ANKFY1: variants seen among roughly 807,000 people sequenced by gnomAD.
The protein encoded by ANKFY1 is ankyrin repeat and FYVE domain-containing protein 1.
Under a neutral mutation model 128.3 loss-of-function variants are expected in ANKFY1, and 47 were observed. That is an observed-to-expected ratio of 0.37 (90% CI 0.29 to 0.47). The LOEUF is 0.47. ANKFY1 is among the 20% of genes least tolerant of loss of function. ANKFY1 has a pLI of 1.00. For synonymous variants in ANKFY1, 553 were observed against 601.6 expected (o/e 0.92, Z 1.18); for missense variants, 1,222 against 1,510.6 (o/e 0.81, Z 3.17).
At chr17:4,175,226 G>A (rs539638900) in intron 19 of ANKFY1, among the ~76,000 whole-genome samples, 3 of 151,558 alleles carry the variant, frequency 2.0e-5, no homozygotes, top group South Asian at 2.1e-4. Context: ...ACAGCTACTC[G>A]GGAGGATGAG....
In ANKFY1 at chr17:4,167,710, C is replaced by A; in HGVS notation, c.*69G>T. On this transcript the variant is annotated 3_prime_UTR_variant, in exon 25 of 25. Transcript: ENST00000341657. This position sits in a 1 kb window ranked among gnomAD's most constrained non-coding sequence, Gnocchi z 4.1. Reference sequence around the variant, plus strand: ...CGCCAGCTCCTGCTCTGGGTGGGGTCAGGCTGGTGAGCAGAGCAGCTGCTG... The same window carrying A: ...CGCCAGCTCCTGCTCTGGGTGGGGTAAGGCTGGTGAGCAGAGCAGCTGCTG... 1 of 1,495,072 alleles carries A rather than the reference C, an allele frequency of 6.7e-7. No homozygotes were observed. The highest frequency in any genetic ancestry group is 1.3e-5 in the South Asian group (1 of 74,562). 92.6% of individuals were successfully genotyped at this position (1,495,072 alleles called of 1,614,324 possible). A position where few individuals can be genotyped will look rare whatever the true frequency, so the allele number is the denominator to read the frequency against.
intron 1 of ANKFY1, among the ~76,000 whole-genome samples, chr17:4,244,594 A>G (rs1393837759): frequency 1.3e-5 from 2 of 151,976 alleles, no homozygotes; most frequent in Non-Finnish European, 2.9e-5. Context: ...CACTGCCCTC[A>G]AGCCCATCTC....
At chr17:4,196,811 TTCAAA>T (rs2143010709) in intron 8 of ANKFY1, among the ~76,000 whole-genome samples, 1 of 152,326 alleles carries the variant, frequency 6.6e-6, no homozygotes, top group South Asian at 2.1e-4. Context: ...CTCTGGTTCC[TTCAAA>T]CATGAGATAC....
At chr17:4,168,939 A>G in intron 24 of ANKFY1, 1 of 474,688 alleles carries the variant, frequency 2.1e-6, no homozygotes. Context: ...AGGATGGCAC[A>G]GGCCTGGCAG....
chr17:4,174,948 C>G (rs1223605586), intron 19 of ANKFY1, among the ~76,000 whole-genome samples: 1 of 151,538 alleles, frequency 6.6e-6, no homozygotes, highest in Non-Finnish European at 1.5e-5. Flanking sequence ...AGACTGGTGT[C>G]AAACTCCAGG....
intron 3 of ANKFY1, chr17:4,223,121 C>A: frequency 1.3e-6 from 1 of 753,180 alleles, no homozygotes; most frequent in South Asian, 1.5e-5. Flanking sequence ...AAGCATTGGT[C>A]GAAACAAAGA....
At position 4,197,426 on chromosome 17, in the gene ANKFY1, T is replaced by C; in HGVS notation, c.1050A>G (p.Ala350=). 1 of 1,614,222 alleles carries C rather than the reference T, an allele frequency of 6.2e-7. No homozygotes were observed. Among genetic ancestry groups the C allele is most frequent in the Non-Finnish European group, 8.5e-7 (1 of 1,180,038 alleles). Residue 350 remains alanine, a synonymous_variant, in exon 8 of 25, where the codon GCA becomes GCG. Coordinates refer to ENST00000341657, the MANE Select transcript of ANKFY1 (RefSeq NM_001330063.2). ...TGGCACCAGCCTGCAGAAGGGCCTC[T>C]GCAATCTGCGCCATCTCAGACATCA... ...ADVMSEMAQI[A]EALLQAGANP... is the part of the protein sequence containing the mutation.
intron 3 of ANKFY1, among the ~76,000 whole-genome samples, chr17:4,227,874 TAGTC>T (rs1184027448): frequency 1.3e-5 from 2 of 152,200 alleles, no homozygotes; most frequent in Non-Finnish European, 2.9e-5. Flanking sequence ...TATCAAGCGT[TAGTC>T]AGGATGTGAA....
intron 19 of ANKFY1, 91 bp from the exon 20 acceptor site, chr17:4,174,147 A>C: frequency 1.4e-6 from 2 of 1,462,508 alleles, no homozygotes; most frequent in East Asian, 2.3e-5. Context: ...TCTGACACCC[A>C]CAGAGGCTGA....
rs752299983 is a variant in ANKFY1 at position 4,177,175 on chromosome 17, G to A, written c.2726C>T (p.Pro909Leu). 1.9e-6 allele frequency: 3 copies of A among 1,607,814 alleles called. No homozygotes were observed. Among genetic ancestry groups the A allele is most frequent in the Admixed American group, 1.7e-5 (1 of 59,318 alleles). ...GCCTGCTTGGACAGCGAGGTGCAGGGGGGTCAACTTGGAGGCATCCTGGAC... is the reference window on the plus strand; with the variant it reads ...GCCTGCTTGGACAGCGAGGTGCAGGAGGGTCAACTTGGAGGCATCCTGGAC... ...SRVQDASKLT[P>L]LHLAVQAGSE... is the part of the protein sequence containing the mutation. Residue 909 changes from proline to leucine, a missense_variant, in exon 19 of 25, where the codon CCC becomes CTC. Coordinates refer to ENST00000341657, the MANE Select transcript of ANKFY1 (RefSeq NM_001330063.2).
At chr17:4,222,865 A>G (rs2060350620) in intron 3 of ANKFY1, 2 of 959,242 alleles carry the variant, frequency 2.1e-6, no homozygotes, top group African/African-American at 1.6e-5. Context: ...CAGACGACTC[A>G]GTATCCGAGA....
In ANKFY1 at chr17:4,195,300, C is replaced by G. The variant is rs2059797428; in HGVS notation, c.1172+103G>C. On this transcript the variant is annotated intron_variant, in intron 9 of 24. Transcript: ENST00000341657. ...CACATTTTTTTTTAGCTCACTTTAACTTCTTAATATATGCAACACTAAAGA... is the reference window on the plus strand; with the variant it reads ...CACATTTTTTTTTAGCTCACTTTAAGTTCTTAATATATGCAACACTAAAGA... The G allele has an allele frequency of 2.1e-6, 3 of 1,419,122 alleles. No individual in the cohort carries two copies. The Admixed American group carries it at 6.2e-5, about 29-fold the overall frequency. 87.9% of individuals were successfully genotyped at this position (1,419,122 alleles called of 1,614,324 possible).
At chr17:4,219,382 C>G (rs1406731091) in intron 3 of ANKFY1, among the ~76,000 whole-genome samples, 2 of 152,174 alleles carry the variant, frequency 1.3e-5, no homozygotes, top group Admixed American at 1.3e-4. Flanking sequence ...AAATCTGATT[C>G]TCTGTCCTAC....
intron 14 of ANKFY1, 66 bp from the exon 15 acceptor site, chr17:4,182,415 T>C (rs1025600219): frequency 1.5e-6 from 2 of 1,325,712 alleles, no homozygotes; most frequent in African/African-American, 2.9e-5. Flanking sequence ...GGTGCCCTTC[T>C]GGGCATTCCA....
At position 4,179,716 on chromosome 17, in the gene ANKFY1, C is replaced by T; in HGVS notation, c.2397+5G>A. 6.2e-7 allele frequency: 1 copy of T among 1,613,686 alleles called. No individual in the cohort carries two copies. ...CTCTCTCCCCGGAAAAGAGAAACGA[C>T]ACACCTGTGCGTTCACGTTGGCACC... On this transcript the variant is annotated splice_donor_5th_base_variant and intron_variant, in intron 17 of 24. Transcript: ENST00000341657.
At chr17:4,208,118 C>T (rs1174180203) in intron 5 of ANKFY1, 36 bp from the exon 6 acceptor site, 1 of 1,558,916 alleles carries the variant, frequency 6.4e-7, no homozygotes, top group African/African-American at 1.4e-5. Flanking sequence ...GCAGAACAGA[C>T]ACAAGGCAAT....
chr17:4,197,602 CAG>C, intron 7 of ANKFY1, 25 bp from the exon 8 acceptor site: 1 of 1,607,780 alleles, frequency 6.2e-7, no homozygotes, highest in Non-Finnish European at 8.5e-7. Context: ...ATAGAAGAAA[CAG>C]TGTCAGGGCA....
At chr17:4,262,998 T>A (rs1968504235) in intron 1 of ANKFY1, among the ~76,000 whole-genome samples, 1 of 151,986 alleles carries the variant, frequency 6.6e-6, no homozygotes, top group Non-Finnish European at 1.5e-5. Flanking sequence ...CACACTGCAG[T>A]CACTCAATAA....
rs1429330770 is a variant in ANKFY1, at chr17:4,183,740, CCT to C, written c.1798+70_1798+71del. The C allele has an allele frequency of 7.3e-6, 11 of 1,503,992 alleles. No individual in the cohort carries two copies. The East Asian group carries it at 2.3e-4, about 31-fold the overall frequency. 93.2% of individuals were successfully genotyped at this position (1,503,992 alleles called of 1,614,324 possible). On this transcript the variant is annotated intron_variant, in intron 13 of 24. Transcript: ENST00000341657. ...CCAGTCTCCTCTTTCTTTCTCGCTCCCTCTGTCCCACCCGGCCCCACTTCGGA... is the reference window on the plus strand; with the variant it reads ...CCAGTCTCCTCTTTCTTTCTCGCTCCCTGTCCCACCCGGCCCCACTTCGGA...
Sources: allele counts gnomAD v4.1 joint callset (sites outside exome capture counted in the v4.1 genomes callset), GRCh38; gene constraint gnomAD v4.1.1; non-coding constraint Gnocchi (gnomAD v3.1); transcripts MANE v1.5; gene names NCBI Gene and HGNC (gene_info 2026-07-23, HGNC 2026-07-21).